LRBA: variants seen among roughly 807,000 people sequenced by gnomAD.
LRBA encodes LPS responsive beige-like anchor protein.
A neutral mutation model predicts 330.0 loss-of-function variants in LRBA; 176 were observed. The ratio of observed to expected loss-of-function variants is 0.53; its 90% CI spans 0.47 to 0.60. The LOEUF is 0.60. Ranked by LOEUF, LRBA falls within the 20% of genes least tolerant of loss-of-function variation. The pLI, the probability that LRBA is intolerant of heterozygous loss-of-function variation, is 0.00. For synonymous variants in LRBA, 1,230 were observed against 1,193.0 expected (o/e 1.03, Z -0.64); for missense variants, 3,259 against 3,444.8 (o/e 0.95, Z 1.35).
chr4:150,868,923 G>A (rs374382472), intron 20 of LRBA, among the ~76,000 whole-genome samples: 1 of 152,028 alleles, frequency 6.6e-6, no homozygotes, highest in Non-Finnish European at 1.5e-5. Context: ...AAGCGACACA[G>A]CAAGACTCTG....
At chr4:150,729,897 G>C (rs972343153) in intron 36 of LRBA, among the ~76,000 whole-genome samples, 2 of 152,130 alleles carry the variant, frequency 1.3e-5, no homozygotes, top group Non-Finnish European at 2.9e-5. Flanking sequence ...TTGGAGAAAA[G>C]ACACTCTCTT....
chr4:150,672,897 TAGAA>T (rs1250046352), intron 37 of LRBA, among the ~76,000 whole-genome samples: 2 of 152,234 alleles, frequency 1.3e-5, no homozygotes, highest in Non-Finnish European at 2.9e-5. Context: ...AAAACTTATT[TAGAA>T]ATGCATCAAC....
At chr4:150,491,056 C>T in intron 40 of LRBA, 21 bp from the exon 41 acceptor site, 1 of 1,234,656 alleles carries the variant, frequency 8.1e-7, no homozygotes, top group Admixed American at 1.8e-5. Context: ...AAAAAATAAT[C>T]CCAGGTAAGT....
At chr4:150,522,731 A>C (rs1763053659) in intron 40 of LRBA, among the ~76,000 whole-genome samples, 1 of 152,238 alleles carries the variant, frequency 6.6e-6, no homozygotes, top group Non-Finnish European at 1.5e-5. Context: ...ATAAGTGATA[A>C]GCCTCAGTAG....
At chr4:150,969,737 T>A (rs1739308366) in intron 2 of LRBA, among the ~76,000 whole-genome samples, 1 of 152,224 alleles carries the variant, frequency 6.6e-6, no homozygotes, top group African/African-American at 2.4e-5. Flanking sequence ...CCCAAAGTGC[T>A]GAGATTACAG....
chr4:150,571,745 T>C (rs1769892435), intron 40 of LRBA, among the ~76,000 whole-genome samples: 1 of 145,796 alleles, frequency 6.9e-6, no homozygotes, highest in Admixed American at 7.2e-5. Flanking sequence ...TACAGCTAGA[T>C]GATACTACAG....
chr4:150,589,029 CTGTG>C (rs930473700), intron 39 of LRBA, among the ~76,000 whole-genome samples: 3 of 139,194 alleles, frequency 2.2e-5, no homozygotes, highest in African/African-American at 5.8e-5. Context: ...TCTGTTATGT[CTGTG>C]TGTGTATACA....
rs759194982 is a variant in LRBA, at chr4:150,806,273, G to C, written c.5516C>G (p.Thr1839Arg). ...TAAAATAAAGAAAAACCACTTACTT[G>C]TTCCTTCTATAAGCAGTTCTTGTCC... Reference protein sequence around the residue: ...SHGQELLIEGTSLVCMKSSSS... With the variant: ...SHGQELLIEGRSLVCMKSSSS... Residue 1839 changes from threonine (T) to arginine (R), a missense_variant and splice_region_variant, in exon 33 of 57, where the codon ACA (threonine) becomes AGA (arginine). Coordinates refer to ENST00000651943, the MANE Select transcript of LRBA (RefSeq NM_001364905.1). 6 of 1,563,144 alleles carry C rather than the reference G, an allele frequency of 3.8e-6. No individual in the cohort carries two copies. Among genetic ancestry groups the C allele is most frequent in the Non-Finnish European group, 5.2e-6 (6 of 1,159,576 alleles).
chr4:150,404,123 G>A (rs140587156), intron 47 of LRBA, among the ~76,000 whole-genome samples: 1 of 152,176 alleles, frequency 6.6e-6, no homozygotes, highest in African/African-American at 2.4e-5. Context: ...AGCAGCCACT[G>A]TGCCAAATTC....
intron 14 of LRBA, among the ~76,000 whole-genome samples, chr4:150,898,237 A>G (rs773735901): frequency 6.6e-6 from 1 of 152,132 alleles, no homozygotes; most frequent in South Asian, 2.1e-4. Flanking sequence ...TGAATTCAGT[A>G]TGACAAAATT....
chr4:150,882,002 C>T (rs1010115431), intron 17 of LRBA, among the ~76,000 whole-genome samples: 1 of 152,002 alleles, frequency 6.6e-6, no homozygotes, highest in African/African-American at 2.4e-5. Context: ...AGGAGAATCG[C>T]TTCAACCCGA....
chr4:150,816,681 CA>C lies in LRBA; in HGVS notation c.5305+442del, dbSNP rs1744643251. 2.6e-5 allele frequency among the ~76,000 whole-genome samples: 4 copies of C among 151,650 alleles called. No individual in the cohort carries two copies. In the South Asian group the frequency reaches 8.3e-4, roughly 31 times the overall value. On this transcript the variant is annotated intron_variant, in intron 31 of 56. Transcript: ENST00000651943. ...ATTCAAAAAAATATGCCAAAAAAAA[CA>C]AAGTATTGGACACTATATAAATATT...
At chr4:150,996,813 C>G (rs1298497795) in intron 2 of LRBA, among the ~76,000 whole-genome samples, 1 of 152,108 alleles carries the variant, frequency 6.6e-6, no homozygotes, top group Non-Finnish European at 1.5e-5. Flanking sequence ...AGTCCAAATG[C>G]CATCTTACTA....
Position 150,872,673 on chromosome 4 carries a change from G to A in LRBA, c.2248C>T (p.Leu750=). The change falls in exon 18 of 57, where the codon CTG becomes TTG. Residue 750 remains leucine, a synonymous_variant. Coordinates refer to ENST00000651943, the MANE Select transcript of LRBA (RefSeq NM_001364905.1). ...LKAMGYFLKH[L]APKRKAEVML... is the part of the protein sequence containing the mutation. ...TTTCGGCATACTTACTTTGGGGCCA[G>A]ATGTTTTAAAAAATAACCCATTGCC... The A allele has an allele frequency of 6.2e-7, 1 of 1,605,594 alleles. No homozygotes were observed. The highest frequency in any genetic ancestry group is 8.5e-7 in the Non-Finnish European group (1 of 1,173,972).
intron 47 of LRBA, among the ~76,000 whole-genome samples, chr4:150,373,168 T>A (rs377661964): frequency 0.024 from 2,609 of 110,942 alleles, 23 homozygotes; most frequent in Middle Eastern, 0.049. Context: ...TGTGTGTGTG[T>A]GTGTGAGAGA....
chr4:150,954,817 CAAA>C (rs34282784), intron 2 of LRBA, among the ~76,000 whole-genome samples: 2 of 45,502 alleles, frequency 4.4e-5, no homozygotes, highest in African/African-American at 2.7e-4. Context: ...ACTCAGAAAT[CAAA>C]AAAAAAAAAA....
chr4:150,927,243 T>G (rs1481133633), intron 4 of LRBA, among the ~76,000 whole-genome samples: 1 of 151,594 alleles, frequency 6.6e-6, no homozygotes, highest in African/African-American at 2.4e-5. Context: ...CTTGGTGGCA[T>G]ACGCCTGTAG....
At chr4:150,282,140 T>C (rs896295388) in intron 55 of LRBA, among the ~76,000 whole-genome samples, 5 of 152,192 alleles carry the variant, frequency 3.3e-5, no homozygotes, top group African/African-American at 1.2e-4. Context: ...GTGCATTTTC[T>C]TAGAAAAAAA....
chr4:150,981,516 T>C (rs989492734), intron 2 of LRBA, among the ~76,000 whole-genome samples: 9 of 151,306 alleles, frequency 5.9e-5, no homozygotes, highest in African/African-American at 2.2e-4. Flanking sequence ...AATCACACTA[T>C]CTGACTTCAA....
Sources: allele counts gnomAD v4.1 joint callset (sites outside exome capture counted in the v4.1 genomes callset), GRCh38; gene constraint gnomAD v4.1.1; transcripts MANE v1.5; gene names NCBI Gene and HGNC (gene_info 2026-07-23, HGNC 2026-07-21).